The following GAD2 variants were observed in gnomAD, a reference collection of about 807,000 sequenced individuals.
GAD2 encodes glutamate decarboxylase 2.
Under a neutral mutation model 80.1 loss-of-function variants are expected in GAD2, and 22 were observed. The observed-to-expected ratio is 0.27, with a 90% CI of 0.20 to 0.39. GAD2 has a LOEUF of 0.39. Ranked by LOEUF, GAD2 falls within the 10% of genes least tolerant of loss-of-function variation. The probability of loss-of-function intolerance (pLI) is 1.00; values close to 1 mark genes in which losing one functional copy is unlikely to be tolerated. For synonymous variants in GAD2, 274 were observed against 256.9 expected (o/e 1.07, Z -0.64); for missense variants, 624 against 738.4 (o/e 0.85, Z 1.80).
intron 8 of GAD2, among the ~76,000 whole-genome samples, chr10:26,265,435 C>T (rs1266222513): frequency 6.6e-6 from 1 of 152,058 alleles, no homozygotes; most frequent in East Asian, 1.9e-4. Flanking sequence ...AATATCTTGA[C>T]CTCGTGATCC....
At chr10:26,239,040 T>C (rs1027549191) in intron 7 of GAD2, among the ~76,000 whole-genome samples, 16 of 152,122 alleles carry the variant, frequency 1.1e-4, no homozygotes, top group African/African-American at 3.6e-4. Flanking sequence ...TTCCAGCTCA[T>C]TGATAGGCTG....
At chr10:26,256,752 A>AT (rs1187364596) in intron 8 of GAD2, among the ~76,000 whole-genome samples, 3 of 152,116 alleles carry the variant, frequency 2.0e-5, no homozygotes, top group Admixed American at 6.6e-5. Flanking sequence ...ATCAACTTTG[A>AT]TTTTTTGGTG....
At chr10:26,270,140 A>C (rs1353837729) in intron 9 of GAD2, among the ~76,000 whole-genome samples, 1 of 152,202 alleles carries the variant, frequency 6.6e-6, no homozygotes, top group Admixed American at 6.5e-5. Flanking sequence ...ATGGCGTATT[A>C]TTTTAGCCGC....
At chr10:26,229,559 TG>T in intron 6 of GAD2, 102 bp from the exon 7 acceptor site, 1 of 764,630 alleles carries the variant, frequency 1.3e-6, no homozygotes, top group South Asian at 1.8e-5. Flanking sequence ...GTTTTTCTTC[TG>T]AGTCCAAGGA....
rs1844396108 is a variant in GAD2 at position 26,217,780 on chromosome 10, G to A, written c.137-62G>A. Reference sequence around the variant, plus strand: ...GGGGTTTCCTGGCTGCGGGTAGGCGGGAGCGAGGGAGCCGGGCCCGGCGGA... The same window carrying A: ...GGGGTTTCCTGGCTGCGGGTAGGCGAGAGCGAGGGAGCCGGGCCCGGCGGA... On this transcript the variant is annotated intron_variant, in intron 2 of 15. Transcript: ENST00000376261. The surrounding 1 kb of genome is among the most constrained non-coding windows in gnomAD (Gnocchi z 4.9). 3 of 1,578,696 alleles carry A rather than the reference G, an allele frequency of 1.9e-6. No individual in the cohort carries two copies.
intron 8 of GAD2, among the ~76,000 whole-genome samples, chr10:26,260,413 G>A (rs1844995143): frequency 6.6e-6 from 1 of 152,132 alleles, no homozygotes; most frequent in African/African-American, 2.4e-5. Flanking sequence ...CAGATCACCT[G>A]AGGTCAGGAG....
chr10:26,238,839 T>C (rs1844707031), intron 7 of GAD2, among the ~76,000 whole-genome samples: 1 of 152,206 alleles, frequency 6.6e-6, no homozygotes, highest in African/African-American at 2.4e-5. Flanking sequence ...GCGACCAGTA[T>C]TTCTAAGGAA....
At chr10:26,294,747 G>A (rs74126409) in intron 15 of GAD2, among the ~76,000 whole-genome samples, 1 of 152,114 alleles carries the variant, frequency 6.6e-6, no homozygotes, top group Non-Finnish European at 1.5e-5. Flanking sequence ...CCACAGGGTG[G>A]GAGGGAATGA....
chr10:26,241,552 T>C (rs1230734052), intron 7 of GAD2, among the ~76,000 whole-genome samples: 1 of 146,780 alleles, frequency 6.8e-6, no homozygotes, highest in Admixed American at 6.8e-5. Flanking sequence ...GCTCATTTCT[T>C]TTTTTTTTTT....
At chr10:26,286,892 A>G (rs1845339590) in intron 13 of GAD2, among the ~76,000 whole-genome samples, 1 of 152,210 alleles carries the variant, frequency 6.6e-6, no homozygotes, top group Admixed American at 6.5e-5. Context: ...AAGAAAAAGT[A>G]AAAAGCCCAC....
chr10:26,261,040 T>G (rs1419024523), intron 8 of GAD2, among the ~76,000 whole-genome samples: 1 of 152,152 alleles, frequency 6.6e-6, no homozygotes, highest in Non-Finnish European at 1.5e-5. Context: ...CAAAGTTGAG[T>G]ATTTTATACT....
intron 9 of GAD2, among the ~76,000 whole-genome samples, chr10:26,270,029 T>C (rs187577547): frequency 1.1e-3 from 168 of 152,342 alleles, no homozygotes; most frequent in African/African-American, 3.9e-3. Context: ...ATGGCGATCC[T>C]GTTTGTGGCA....
Position 26,300,940 on chromosome 10 carries a change from A to G in GAD2, c.1737A>G (p.Glu579=). The G allele has an allele frequency of 6.2e-7, 1 of 1,613,886 alleles. No individual in the cohort carries two copies. The highest frequency in any genetic ancestry group is 8.5e-7 in the Non-Finnish European group (1 of 1,179,834). The stretch of plus-strand genomic sequence containing the variant: ...TTGACTTCCTGATTGAAGAAATAGA[A>G]CGCCTTGGACAAGATTTATAATAAC... ...QDIDFLIEEI[E]RLGQDL is the part of the protein sequence containing the mutation. Residue 579 remains glutamate (E), a synonymous_variant, in exon 16 of 16, where the codon GAA becomes GAG. Coordinates refer to ENST00000376261, the MANE Select transcript of GAD2 (RefSeq NM_001134366.2).
At chr10:26,222,466 C>G (rs551238556) in intron 4 of GAD2, among the ~76,000 whole-genome samples, 1 of 151,638 alleles carries the variant, frequency 6.6e-6, no homozygotes, top group Non-Finnish European at 1.5e-5. Context: ...GTGATTTCAG[C>G]TGCGAGCATA....
Position 26,273,627 on chromosome 10 carries a change from T to G in GAD2, c.1093-9T>G, listed in dbSNP as rs779682915. 2 of 1,613,212 alleles carry G rather than the reference T, an allele frequency of 1.2e-6. No homozygotes were observed. The highest frequency in any genetic ancestry group is 2.2e-5 in the East Asian group (1 of 44,846). On this transcript the variant is annotated splice_polypyrimidine_tract_variant and intron_variant, in intron 10 of 15. Coordinates refer to ENST00000376261, the MANE Select transcript of GAD2 (RefSeq NM_001134366.2). ...CTGCTACCATTTTCCTCATATGATT[T>G]TTTTTCAGGCAGCTTGGGGTGGGGG...
intron 13 of GAD2, 65 bp downstream of exon 13, chr10:26,286,559 T>A: frequency 6.9e-7 from 1 of 1,448,902 alleles, no homozygotes. Context: ...GACCCCATTA[T>A]GAAATGTCAA....
chr10:26,232,683 A>G (rs1020463767), intron 7 of GAD2, among the ~76,000 whole-genome samples: 2 of 151,898 alleles, frequency 1.3e-5, no homozygotes, highest in South Asian at 2.1e-4. Flanking sequence ...TTGTATTTTT[A>G]GTAGAGACAG....
At chr10:26,248,193 T>C (rs1229886412) in intron 8 of GAD2, among the ~76,000 whole-genome samples, 2 of 152,204 alleles carry the variant, frequency 1.3e-5, no homozygotes, top group Non-Finnish European at 2.9e-5. Flanking sequence ...AATCAATACA[T>C]GGTGGTTACA....
chr10:26,216,515 C>A (rs905711454), upstream of GAD2: 6 of 257,274 alleles, frequency 2.3e-5, no homozygotes, highest in Non-Finnish European at 3.6e-5. The surrounding 1 kb of genome is among the most constrained non-coding windows in gnomAD (Gnocchi z 4.7). Flanking sequence ...GCTCTCCGCG[C>A]TTTCCTGAGT....
Sources: allele counts gnomAD v4.1 joint callset (sites outside exome capture counted in the v4.1 genomes callset), GRCh38; gene constraint gnomAD v4.1.1; non-coding constraint Gnocchi (gnomAD v3.1); transcripts MANE v1.5; gene names NCBI Gene and HGNC (gene_info 2026-07-23, HGNC 2026-07-21).